BAD: variants seen among roughly 807,000 people sequenced by gnomAD.
BAD encodes the protein bcl2-associated agonist of cell death.
A neutral mutation model predicts 17.8 loss-of-function variants in BAD; 18 were observed. That is an observed-to-expected ratio of 1.01 (90% CI 0.70 to 1.50). BAD has a LOEUF of 1.50. Ranked by LOEUF, BAD falls within the 40% of genes most tolerant of loss-of-function variation. The pLI is 0.00. For missense variants in BAD, 294 were observed against 239.3 expected (o/e 1.23, Z -1.51); for synonymous variants, 112 against 91.5 (o/e 1.22, Z -1.28).
rs1025811821 is a variant in BAD, at chr11:64,276,838, G to A, written c.188-5035C>T. The A allele has an allele frequency of 8.4e-6, 6 of 715,512 alleles. No individual in the cohort carries two copies. In the African/African-American group the frequency reaches 8.7e-5, roughly 10 times the overall value. The allele number at this position is 715,512 out of a possible 1,614,324, so 44.3% of individuals were successfully genotyped here. On this transcript the variant is annotated intron_variant, in intron 2 of 3. Transcript: ENST00000309032. ...TTGCCATCCGCCTAGAGCCTGGCCC[G>A]GAGCTGGGTGTGGAAGTGGAGGGTA... is the stretch of plus-strand genomic sequence containing the variant.
In BAD at chr11:64,270,146, C is replaced by T. The variant is rs1565343078; in HGVS notation, c.*63G>A. 1.2e-6 allele frequency: 2 copies of T among 1,612,248 alleles called. No homozygotes were observed. The highest frequency in any genetic ancestry group is 3.3e-5 in the Admixed American group (2 of 59,900). On this transcript the variant is annotated 3_prime_UTR_variant, in exon 4 of 4. Transcript: ENST00000309032. ...TAGGCCTGAGGGAAGTACTTCCGCCCATATTCAAGATGGCTGCCCAGGGCA... is the reference window on the plus strand; with the variant it reads ...TAGGCCTGAGGGAAGTACTTCCGCCTATATTCAAGATGGCTGCCCAGGGCA...
At chr11:64,275,159 G>C (rs562830709) in intron 2 of BAD, among the ~76,000 whole-genome samples, 1 of 151,932 alleles carries the variant, frequency 6.6e-6, no homozygotes, top group Non-Finnish European at 1.5e-5. Flanking sequence ...CTGGAGGAGT[G>C]AGGTGGCAGT....
chr11:64,273,087 G>A (rs1317974915), intron 2 of BAD, among the ~76,000 whole-genome samples: 1 of 152,190 alleles, frequency 6.6e-6, no homozygotes, highest in East Asian at 1.9e-4. Flanking sequence ...AATAAAAGAA[G>A]GCCAGACGTG....
chr11:64,275,481 C>T (rs927046740), intron 2 of BAD, among the ~76,000 whole-genome samples: 4 of 152,088 alleles, frequency 2.6e-5, no homozygotes, highest in East Asian at 3.9e-4. Flanking sequence ...CCCCATCTGC[C>T]AGGATCGCCA....
At chr11:64,282,873 C>T (rs1357173227) in intron 2 of BAD, among the ~76,000 whole-genome samples, 3 of 144,614 alleles carry the variant, frequency 2.1e-5, no homozygotes, top group South Asian at 4.4e-4. Flanking sequence ...AGTGAGACTC[C>T]GTCTCAGGAA....
In BAD at chr11:64,270,229, T is replaced by A; in HGVS notation, c.487A>T (p.Ser163Cys). The A allele has an allele frequency of 1.2e-6, 2 of 1,612,822 alleles. No homozygotes were observed. ...GAAGGTCACTGGGAGGGGGCGGAGC[T>A]TCCCCTGCCCAAGTTCCGATCCCAC... The part of the protein sequence containing the change: ...SWWDRNLGRG[S>C]SAPSQ Residue 163 changes from serine (S) to cysteine (C), a missense_variant, in exon 4 of 4, where the codon AGC becomes TGC. Transcript: ENST00000309032.
intron 2 of BAD, among the ~76,000 whole-genome samples, chr11:64,274,221 TACTAAA>T (rs1156624591): frequency 6.6e-6 from 1 of 150,724 alleles, no homozygotes; most frequent in African/African-American, 2.4e-5. Flanking sequence ...ACCCCATCTG[TACTAAA>T]AGTACAAAAA....
In BAD at chr11:64,271,607, G is replaced by A. The variant is rs372920935; in HGVS notation, c.378+6C>T. ...AGGTCCTGGCACGCTGGGGACTGGC[G>A]CTCACCTTAAAGGAGTCCACAAACT... On this transcript the variant is annotated splice_donor_region_variant and intron_variant, in intron 3 of 3. Transcript: ENST00000309032. 37 of 1,439,164 alleles carry A rather than the reference G, an allele frequency of 2.6e-5. No homozygotes were observed. The highest frequency in any genetic ancestry group is 3.0e-5 in the Non-Finnish European group (33 of 1,092,508). The allele number at this position is 1,439,164 out of a possible 1,614,324, so 89.1% of individuals were successfully genotyped here. A position where few individuals can be genotyped will look rare whatever the true frequency, so the allele number is the denominator to read the frequency against.
At chr11:64,274,353 C>G (rs1411571845) in intron 2 of BAD, among the ~76,000 whole-genome samples, 1 of 150,810 alleles carries the variant, frequency 6.6e-6, no homozygotes, top group Non-Finnish European at 1.5e-5. Context: ...CGCCACTGCA[C>G]TCCAGCCTGG....
At chr11:64,271,491 G>T in intron 3 of BAD, 122 bp downstream of exon 3, 1 of 1,049,908 alleles carries the variant, frequency 9.5e-7, no homozygotes, top group Non-Finnish European at 1.3e-6. Context: ...GAAGGAACAG[G>T]ACGGCTTTGG....
Position 64,277,594 on chromosome 11 carries a change from C to T in BAD, c.188-5791G>A, listed in dbSNP as rs372815001. Among the ~76,000 whole-genome samples the T allele has an allele frequency of 3.0e-4, 45 of 152,232 alleles. 1 individual carries two copies. The South Asian group carries it at 8.1e-3, about 27-fold the overall frequency. On this transcript the variant is annotated intron_variant, in intron 2 of 3. Coordinates refer to ENST00000309032, the MANE Select transcript of BAD (RefSeq NM_032989.3). Reference sequence around the variant, plus strand: ...CTTGGACTACAGGCATCACCATGCCCGGCTAATTTTTTAATTTAAAAAATT... The same window carrying T: ...CTTGGACTACAGGCATCACCATGCCTGGCTAATTTTTTAATTTAAAAAATT...
intron 2 of BAD, among the ~76,000 whole-genome samples, chr11:64,274,578 T>G (rs2032906651): frequency 1.3e-5 from 2 of 151,496 alleles, no homozygotes; most frequent in African/African-American, 4.9e-5. Context: ...ATCCCAGCAC[T>G]TTGGGAGCCC....
chr11:64,270,900 GACACACACAC>G lies in BAD; in HGVS notation c.379-573_379-564del, dbSNP rs71045754. Among the ~76,000 whole-genome samples, 248 of 87,650 alleles carry G rather than the reference GACACACACAC, an allele frequency of 2.8e-3. 5 individuals are homozygous for G. Among genetic ancestry groups the G allele is most frequent in the African/African-American group, 0.01 (217 of 21,684 alleles). 57.5% of individuals were successfully genotyped at this position (87,650 alleles called of 152,430 possible). A position where few individuals can be genotyped will look rare whatever the true frequency, so the allele number is the denominator to read the frequency against. ...CTACAGATCCCAGCATGCCCTGTGA[GACACACACAC>G]ACACACACACACACACACACACGCC... On this transcript the variant is annotated intron_variant, in intron 3 of 3. Coordinates refer to ENST00000309032, the MANE Select transcript of BAD (RefSeq NM_032989.3).
chr11:64,272,856 C>T (rs2032741248), intron 2 of BAD: 1 of 152,242 alleles, frequency 6.6e-6, no homozygotes, highest in Non-Finnish European at 1.5e-5. Flanking sequence ...AGCCTGTGTC[C>T]TCACCTTTAT....
At chr11:64,274,820 CA>C (rs968135554) in intron 2 of BAD, among the ~76,000 whole-genome samples, 84 of 135,646 alleles carry the variant, frequency 6.2e-4, no homozygotes, top group Non-Finnish European at 4.5e-4. Flanking sequence ...GACTCTGTCT[CA>C]AAAAAAAAAA....
rs2286615 is a variant in BAD, at chr11:64,271,703, G to A, written c.288C>T (p.Arg96=). Residue 96 remains arginine, a synonymous_variant, in exon 3 of 4, where the codon CGC becomes CGT. Coordinates refer to ENST00000309032, the MANE Select transcript of BAD (RefSeq NM_032989.3). The part of the protein sequence containing the change: ...MGEEPSPFRG[R]SRSAPPNLWA... ...AGAGGTTGGGGGGCGCCGAGCGCGA[G>A]CGGCCCCGAAAGGGGCTGGGCTCCT... 226,879 of 1,467,272 alleles carry A rather than the reference G, an allele frequency of 0.15. 18,855 individuals are homozygous for A. Among genetic ancestry groups the A allele is most frequent in the Non-Finnish European group, 0.17 (192,762 of 1,110,234 alleles). 90.9% of individuals were successfully genotyped at this position (1,467,272 alleles called of 1,614,324 possible). A position where few individuals can be genotyped will look rare whatever the true frequency, so the allele number is the denominator to read the frequency against.
chr11:64,270,490 G>T, intron 3 of BAD, 153 bp from the exon 4 acceptor site: 1 of 1,067,768 alleles, frequency 9.4e-7, no homozygotes, highest in Non-Finnish European at 1.3e-6. Flanking sequence ...GGTCAGGGAC[G>T]CTCGCGAGGA....
intron 2 of BAD, among the ~76,000 whole-genome samples, chr11:64,282,896 A>G (rs1299844095): frequency 1.3e-5 from 2 of 151,688 alleles, no homozygotes; most frequent in African/African-American, 2.4e-5. Flanking sequence ...AAAAAAAAAA[A>G]AAAAGAAAAA....
chr11:64,283,930 C>T (rs1267288437), intron 2 of BAD, among the ~76,000 whole-genome samples: 1 of 152,194 alleles, frequency 6.6e-6, no homozygotes, highest in Non-Finnish European at 1.5e-5. Flanking sequence ...CCACCACGCC[C>T]GGCAGCAACC....
Sources: gnomAD v4.1 joint callset for allele counts (sites outside exome capture counted in the v4.1 genomes callset) on GRCh38, gnomAD v4.1.1 for gene constraint, MANE v1.5 for transcripts, NCBI Gene and HGNC (gene_info 2026-07-23, HGNC 2026-07-21) for gene names.